The following CAST variants were observed in gnomAD, a reference collection of about 807,000 sequenced individuals.
CAST encodes MIR583 host.
In CAST, 76 loss-of-function variants were observed where a neutral mutation model predicts 119.6. The ratio of observed to expected loss-of-function variants is 0.64; its 90% CI spans 0.53 to 0.77. The LOEUF (loss-of-function observed/expected upper bound fraction) is 0.77. CAST is among the 30% of genes least tolerant of loss of function. CAST has a pLI of 0.00. For missense variants in CAST, 953 were observed against 946.5 expected (o/e 1.01, Z -0.09); for synonymous variants, 319 against 331.6 (o/e 0.96, Z 0.41).
At chr5:95,962,230 T>C in the CAST span, among the ~76,000 whole-genome samples, 41 of 152,368 alleles carry the variant, frequency 2.7e-4, no homozygotes, top group East Asian at 3.9e-3. Context: ...AAAGTCAGAA[T>C]TGGGGAATCT....
chr5:95,964,942 A>C, the CAST span: 1 of 152,272 alleles, frequency 6.6e-6, no homozygotes, highest in Non-Finnish European at 1.5e-5. Flanking sequence ...CAGTGCTGGC[A>C]AAGGATATGT....
chr5:96,509,146 A>G, the CAST span, among the ~76,000 whole-genome samples: 1 of 152,224 alleles, frequency 6.6e-6, no homozygotes, highest in East Asian at 1.9e-4. Flanking sequence ...AAGATAAAAT[A>G]CTTTAAATAA....
At chr5:96,374,267 T>C in the CAST span, among the ~76,000 whole-genome samples, 1 of 152,098 alleles carries the variant, frequency 6.6e-6, no homozygotes, top group African/African-American at 2.4e-5. Flanking sequence ...TTATTATTGG[T>C]AATATGACAA....
At chr5:96,656,032 T>C (rs1748153580) in intron 1 of CAST, among the ~76,000 whole-genome samples, 1 of 152,250 alleles carries the variant, frequency 6.6e-6, no homozygotes, top group Non-Finnish European at 1.5e-5. Flanking sequence ...TTGTTTCCAC[T>C]TTGTGTTTAC....
At chr5:96,399,107 T>G in the CAST span, 4,052 of 1,112,466 alleles carry the variant, frequency 3.6e-3, 94 homozygotes, top group African/African-American at 0.055. Flanking sequence ...CATATCTGCA[T>G]GCATCAATCT....
chr5:96,362,103 G>C, the CAST span, among the ~76,000 whole-genome samples: 3 of 152,038 alleles, frequency 2.0e-5, no homozygotes, highest in Admixed American at 6.6e-5. Context: ...CTGTCCTTGC[G>C]ATAGTTTGCT....
chr5:96,254,935 C>T, the CAST span, among the ~76,000 whole-genome samples: 11 of 152,052 alleles, frequency 7.2e-5, no homozygotes, highest in Admixed American at 3.9e-4. Flanking sequence ...TCTCCTTTGT[C>T]GGGCATATTT....
At chr5:96,197,338 C>G in the CAST span, among the ~76,000 whole-genome samples, 4 of 152,230 alleles carry the variant, frequency 2.6e-5, no homozygotes, top group East Asian at 3.8e-4. Flanking sequence ...CCCTACTCAG[C>G]TGTCTACTCT....
chr5:96,411,059 C>T, the CAST span: 1 of 1,039,338 alleles, frequency 9.6e-7, no homozygotes, highest in South Asian at 1.3e-5. Context: ...AATAAAATCC[C>T]CAACGACTAC....
the CAST span, among the ~76,000 whole-genome samples, chr5:96,100,565 T>G: frequency 6.6e-6 from 1 of 152,208 alleles, no homozygotes; most frequent in African/African-American, 2.4e-5. Flanking sequence ...TTAAACTGCC[T>G]AGGTTGGAAG....
chr5:96,247,700 T>C, the CAST span: 1 of 152,250 alleles, frequency 6.6e-6, no homozygotes, highest in East Asian at 1.9e-4. Context: ...AGAAAATCAC[T>C]TGGCAGCTAT....
At chr5:96,707,215 G>A (rs1755166359) in intron 3 of CAST, among the ~76,000 whole-genome samples, 3 of 152,144 alleles carry the variant, frequency 2.0e-5, no homozygotes, top group Non-Finnish European at 4.4e-5. Flanking sequence ...GTTTTCCCTG[G>A]TTCCTGTCAA....
chr5:96,523,113 C>A (rs890739778), upstream of CAST, among the ~76,000 whole-genome samples: 5 of 152,252 alleles, frequency 3.3e-5, no homozygotes, highest in African/African-American at 1.2e-4. Flanking sequence ...GCTCCCAGTG[C>A]TACTGGAAAA....
chr5:96,437,752 T>G, the CAST span, among the ~76,000 whole-genome samples: 1 of 152,110 alleles, frequency 6.6e-6, no homozygotes, highest in Non-Finnish European at 1.5e-5. Flanking sequence ...CATACGCAAT[T>G]AAAGTTTGAG....
At chr5:96,165,986 T>A in the CAST span, among the ~76,000 whole-genome samples, 1 of 139,708 alleles carries the variant, frequency 7.2e-6, no homozygotes. Context: ...TTAATCATTA[T>A]CCATTATTAA....
intron 1 of CAST, among the ~76,000 whole-genome samples, chr5:96,642,686 C>T (rs557633729): frequency 6.6e-6 from 1 of 152,002 alleles, no homozygotes; most frequent in South Asian, 2.1e-4. Context: ...GGATTACAGG[C>T]ACCCGGCACC....
intron 1 of CAST, among the ~76,000 whole-genome samples, chr5:96,571,184 G>A (rs1249474483): frequency 6.6e-6 from 1 of 152,100 alleles, no homozygotes; most frequent in Non-Finnish European, 1.5e-5. Flanking sequence ...TTCAAATCTG[G>A]ACCTTATTCC....
chr5:95,978,611 T>C, the CAST span, among the ~76,000 whole-genome samples: 1 of 152,164 alleles, frequency 6.6e-6, no homozygotes, highest in Non-Finnish European at 1.5e-5. Flanking sequence ...TTTACTCTAT[T>C]GATAGTGTCT....
At chr5:96,420,788 A>G in the CAST span, among the ~76,000 whole-genome samples, 2 of 53,054 alleles carry the variant, frequency 3.8e-5, no homozygotes, top group Admixed American at 3.2e-4. Context: ...AGAGAGAGAA[A>G]GAGAGAGAGA....
Sources: allele counts gnomAD v4.1 joint callset (sites outside exome capture counted in the v4.1 genomes callset), GRCh38; gene constraint gnomAD v4.1.1; transcripts MANE v1.5; gene names NCBI Gene and HGNC (gene_info 2026-07-23, HGNC 2026-07-21).